Variants in GPR37L1 observed in about 807,000 individuals in gnomAD.
GPR37L1 encodes the protein G protein-coupled receptor 37-like 1.
GPR37L1 carries 18 observed loss-of-function variants against 18.0 expected under a neutral mutation model. The ratio of observed to expected loss-of-function variants is 1.00; its 90% CI spans 0.69 to 1.49. The LOEUF (loss-of-function observed/expected upper bound fraction) is 1.49, where lower values mean the gene tolerates loss of function less well. Ranked by LOEUF, GPR37L1 falls within the 40% of genes most tolerant of loss-of-function variation. The pLI is 0.00. For missense variants in GPR37L1, 558 were observed against 615.1 expected (o/e 0.91, Z 0.98); for synonymous variants, 256 against 273.9 (o/e 0.93, Z 0.65).
intron 1 of GPR37L1, 58 bp from the exon 2 acceptor site, chr1:202,127,683 C>T: frequency 8.0e-7 from 1 of 1,256,012 alleles, no homozygotes; most frequent in South Asian, 1.4e-5. Flanking sequence ...AGGTGTCCTT[C>T]CTTGTCCCCA....
intron 1 of GPR37L1, among the ~76,000 whole-genome samples, chr1:202,127,192 T>C (rs1213367788): frequency 6.6e-6 from 1 of 152,248 alleles, no homozygotes; most frequent in Non-Finnish European, 1.5e-5. Flanking sequence ...AGGTGGTTGA[T>C]TGGGAATGTG....
chr1:202,122,968 G>A lies in GPR37L1; in HGVS notation c.5G>A (p.Arg2Gln), dbSNP rs139398911. The change falls in exon 1 of 2, where the codon CGG becomes CAG. Residue 2 changes from arginine (R) to glutamine (Q), a missense_variant. Transcript: ENST00000367282. ...CTGTCTCCTGCTCATCCAGCCATGCGGTGGCTGTGGCCCCTGGCTGTCTCT... is the reference window on the plus strand; with the variant it reads ...CTGTCTCCTGCTCATCCAGCCATGCAGTGGCTGTGGCCCCTGGCTGTCTCT... M[R>Q]WLWPLAVSLA... 1.0e-4 allele frequency: 168 copies of A among 1,612,614 alleles called. No individual in the cohort carries two copies. Among genetic ancestry groups the A allele is most frequent in the Admixed American group, 4.0e-4 (24 of 60,024 alleles).
In GPR37L1 at chr1:202,128,055, C is replaced by G. The variant is rs1654722057; in HGVS notation, c.945C>G (p.Gly315=). 6.2e-7 allele frequency: 1 copy of G among 1,614,044 alleles called. No homozygotes were observed. The part of the protein sequence containing the change: ...YQNARMWWYF[G]CYFCLPILFT... ...ACGCCCGCATGTGGTGGTACTTTGG[C>G]TGCTACTTCTGCCTGCCCATCCTCT... Residue 315 remains glycine (G), a synonymous_variant, in exon 2 of 2, where the codon GGC becomes GGG. Transcript: ENST00000367282.
In GPR37L1 at chr1:202,123,329, G is replaced by A. The variant is rs145440540; in HGVS notation, c.366G>A (p.Pro122=). 49 of 1,614,184 alleles carry A rather than the reference G, an allele frequency of 3.0e-5. No individual in the cohort carries two copies. The African/African-American group carries it at 4.1e-4, about 14-fold the overall frequency. ...QRLQIQNPLY[P]VTESSYSAYA... ...TACAGATCCAGAACCCCCTGTATCCGGTGACCGAGAGCTCCTACAGTGCCT... is the reference window on the plus strand; with the variant it reads ...TACAGATCCAGAACCCCCTGTATCCAGTGACCGAGAGCTCCTACAGTGCCT... The change falls in exon 1 of 2, where the codon CCG becomes CCA. Residue 122 remains proline, a synonymous_variant. Coordinates refer to ENST00000367282, the MANE Select transcript of GPR37L1 (RefSeq NM_004767.5).
At position 202,123,568 on chromosome 1, in the gene GPR37L1, C is replaced by G; in HGVS notation, c.605C>G (p.Ser202Cys). 4 of 1,596,342 alleles carry G rather than the reference C, an allele frequency of 2.5e-6. No individual in the cohort carries two copies. Among genetic ancestry groups the G allele is most frequent in the Non-Finnish European group, 3.4e-6 (4 of 1,171,344 alleles). Reference protein sequence around the residue: ...ITKQRLLGDVSCRAVPFMEVS... With the variant: ...ITKQRLLGDVCCRAVPFMEVS... Reference sequence around the variant, plus strand: ...AAGCAGAGGCTACTGGGTGACGTTTCTTGTCGTGCCGTGCCCTTCATGGAG... The same window carrying G: ...AAGCAGAGGCTACTGGGTGACGTTTGTTGTCGTGCCGTGCCCTTCATGGAG... Residue 202 changes from serine (S) to cysteine (C), a missense_variant, in exon 1 of 2, where the codon TCT becomes TGT. By Grantham distance (112) the Ser-to-Cys change is moderately radical (BLOSUM62 -1). Coordinates refer to ENST00000367282, the MANE Select transcript of GPR37L1 (RefSeq NM_004767.5).
Position 202,131,805 on chromosome 1 carries a change from C to T in GPR37L1, c.*3249C>T, listed in dbSNP as rs980606671. ...CAAGCTGAGTGCTGTGGTGTGATCA[C>T]AGCTCATTGCAGCCTCCACTTCCTG... On this transcript the variant is annotated 3_prime_UTR_variant, in exon 2 of 2. Transcript: ENST00000367282. 1.3e-5 allele frequency: 2 copies of T among 151,968 alleles called. No homozygotes were observed. The highest frequency in any genetic ancestry group is 4.8e-5 in the African/African-American group (2 of 41,330). The allele number at this position is 151,968 out of a possible 1,614,324, so 9.4% of individuals were successfully genotyped here.
intron 1 of GPR37L1, 106 bp downstream of exon 1, chr1:202,123,699 C>A: frequency 3.8e-6 from 4 of 1,051,034 alleles, no homozygotes; most frequent in Non-Finnish European, 5.5e-6. Flanking sequence ...TGTGCAAAAC[C>A]TGAGTCTTGG....
At position 202,123,002 on chromosome 1, in the gene GPR37L1, G is replaced by A. The variant is rs765550046; in HGVS notation, c.39G>A (p.Val13=). The A allele has an allele frequency of 9.3e-6, 15 of 1,613,302 alleles. No individual in the cohort carries two copies. The South Asian group carries it at 1.6e-4, about 18-fold the overall frequency. Residue 13 remains valine (V), a synonymous_variant, in exon 1 of 2, where the codon GTG becomes GTA. Coordinates refer to ENST00000367282, the MANE Select transcript of GPR37L1 (RefSeq NM_004767.5). The part of the protein sequence containing the change: ...WLWPLAVSLA[V]ILAVGLSRVS... ...GGCCCCTGGCTGTCTCTCTTGCTGT[G>A]ATTTTGGCTGTGGGGCTAAGCAGGG...
chr1:202,123,059 G>A lies in GPR37L1; in HGVS notation c.96G>A (p.Arg32=), dbSNP rs1300350127. Residue 32 remains arginine (R), a synonymous_variant, in exon 1 of 2, where the codon AGG becomes AGA. Transcript: ENST00000367282. ...GGGGTGCCCCCCTGCACCTGGGCAG[G>A]CACAGAGCCGAGACCCAGGAGCAGC... is the stretch of plus-strand genomic sequence containing the variant. ...VSGGAPLHLG[R]HRAETQEQQS... 2.5e-6 allele frequency: 4 copies of A among 1,613,616 alleles called. No individual in the cohort carries two copies. Among genetic ancestry groups the A allele is most frequent in the Non-Finnish European group, 3.4e-6 (4 of 1,179,996 alleles).
Position 202,123,547 on chromosome 1 carries a change from A to G in GPR37L1, c.584A>G (p.Gln195Arg). 3 of 1,609,308 alleles carry G rather than the reference A, an allele frequency of 1.9e-6. No individual in the cohort carries two copies. The highest frequency in any genetic ancestry group is 2.5e-6 in the Non-Finnish European group (3 of 1,177,618). The change falls in exon 1 of 2, where the codon CAG (glutamine) becomes CGG (arginine). Residue 195 changes from glutamine to arginine, a missense_variant. By Grantham distance (43) the Gln-to-Arg change is conservative (BLOSUM62 1). Coordinates refer to ENST00000367282, the MANE Select transcript of GPR37L1 (RefSeq NM_004767.5). ...GTCATCTTCAACGAGATCACCAAGCAGAGGCTACTGGGTGACGTTTCTTGT... is the reference window on the plus strand; with the variant it reads ...GTCATCTTCAACGAGATCACCAAGCGGAGGCTACTGGGTGACGTTTCTTGT... The part of the protein sequence containing the change: ...PIVIFNEITK[Q>R]RLLGDVSCRA...
At chr1:202,127,711 C>A (rs756374605) in intron 1 of GPR37L1, 30 bp from the exon 2 acceptor site, 31 of 1,471,148 alleles carry the variant, frequency 2.1e-5, no homozygotes, top group Non-Finnish European at 2.8e-5. Context: ...TGACCAAGTG[C>A]TTCTCTCTTC....
rs1018176577 is a variant in GPR37L1 at position 202,128,772 on chromosome 1, G to A, written c.*216G>A. On this transcript the variant is annotated 3_prime_UTR_variant, in exon 2 of 2. Transcript: ENST00000367282. ...AACCCTGTCCTTTCCACTGGTGGGC[G>A]GTGATGCTTCTAGGTCCTTAGAACT... The A allele has an allele frequency of 3.8e-5, 20 of 526,736 alleles. No individual in the cohort carries two copies. The highest frequency in any genetic ancestry group is 9.7e-4 in the Middle Eastern group (2 of 2,070). 32.6% of individuals were successfully genotyped at this position (526,736 alleles called of 1,614,324 possible).
Position 202,128,464 on chromosome 1 carries a change from GACA to G in GPR37L1, c.1359_1361del (p.Asn453del). The G allele has an allele frequency of 6.2e-7, 1 of 1,610,178 alleles. No individual in the cohort carries two copies. Reference sequence around the variant, plus strand: ...GGAGGCCTCTGCTGCCAATGGGTCGGACAACAAGCTCAAGACCGAGGTGTCCTC... The same window carrying G: ...GGAGGCCTCTGCTGCCAATGGGTCGGACAAGCTCAAGACCGAGGTGTCCTC... On this transcript the variant is annotated inframe_deletion, in exon 2 of 2. Coordinates refer to ENST00000367282, the MANE Select transcript of GPR37L1 (RefSeq NM_004767.5).
At chr1:202,125,626 G>A (rs905091128) in intron 1 of GPR37L1, among the ~76,000 whole-genome samples, 2 of 152,172 alleles carry the variant, frequency 1.3e-5, no homozygotes, top group Non-Finnish European at 2.9e-5. Context: ...CCACAGGCTG[G>A]TAGACAGTCT....
At position 202,128,149 on chromosome 1, in the gene GPR37L1, G is replaced by A; in HGVS notation, c.1039G>A (p.Ala347Thr). 6.2e-7 allele frequency: 1 copy of A among 1,613,992 alleles called. No individual in the cohort carries two copies. Among genetic ancestry groups the A allele is most frequent in the East Asian group, 2.2e-5 (1 of 44,876 alleles). The stretch of plus-strand genomic sequence containing the variant: ...TCCAGGGAGGAAGTCAGAGTGCAGG[G>A]CCAGCAAGCACGAGCAGTGTGAGAG... The part of the protein sequence containing the change: ...GPPGRKSECR[A>T]SKHEQCESQL... The change falls in exon 2 of 2, where the codon GCC becomes ACC. Residue 347 changes from alanine to threonine, a missense_variant. By Grantham distance (58) the Ala-to-Thr change is moderately conservative (BLOSUM62 0). Coordinates refer to ENST00000367282, the MANE Select transcript of GPR37L1 (RefSeq NM_004767.5).
Position 202,123,593 on chromosome 1 carries a change from G to T in GPR37L1, c.630G>T (p.Glu210Asp). 1 of 1,574,700 alleles carries T rather than the reference G, an allele frequency of 6.4e-7. No individual in the cohort carries two copies. Residue 210 changes from glutamate (E) to aspartate (D), a missense_variant and splice_region_variant, in exon 1 of 2, where the codon GAG becomes GAT. Physicochemically the swap from Glu to Asp is conservative, Grantham distance 45. Transcript: ENST00000367282. ...CTTGTCGTGCCGTGCCCTTCATGGA[G>T]GTGAGTGTGTGTTCTGTTTGAGCTC... ...DVSCRAVPFMEVSSLGVTTFS... is the reference protein window; with the variant it reads ...DVSCRAVPFMDVSSLGVTTFS...
At chr1:202,126,796 A>G (rs1654671885) in intron 1 of GPR37L1, among the ~76,000 whole-genome samples, 1 of 151,670 alleles carries the variant, frequency 6.6e-6, no homozygotes. Flanking sequence ...CCACACAGCC[A>G]GGTCCTGGGC....
chr1:202,128,960 A>T lies in GPR37L1; in HGVS notation c.*404A>T, dbSNP rs1654757590. 1 of 163,942 alleles carries T rather than the reference A, an allele frequency of 6.1e-6. No homozygotes were observed. The highest frequency in any genetic ancestry group is 1.3e-5 in the Non-Finnish European group (1 of 76,856). 10.2% of individuals were successfully genotyped at this position (163,942 alleles called of 1,614,324 possible). On this transcript the variant is annotated 3_prime_UTR_variant, in exon 2 of 2. Transcript: ENST00000367282. ...CACCAACCTGGGGCCCCATCTTGGA[A>T]TGGGGGCTCCTTGGGGCCAGCCCAG... is the stretch of plus-strand genomic sequence containing the variant.
At chr1:202,126,489 A>C (rs1654662923) in intron 1 of GPR37L1, among the ~76,000 whole-genome samples, 1 of 151,602 alleles carries the variant, frequency 6.6e-6, no homozygotes, top group African/African-American at 2.4e-5. Flanking sequence ...CTGCCAAGAG[A>C]GGGGGTTGGG....
Sources: allele counts gnomAD v4.1 joint callset (sites outside exome capture counted in the v4.1 genomes callset), GRCh38; gene constraint gnomAD v4.1.1; transcripts MANE v1.5; gene names NCBI Gene and HGNC (gene_info 2026-07-23, HGNC 2026-07-21).